The following PTPRD variants were observed in gnomAD, a reference collection of about 807,000 sequenced individuals.
PTPRD encodes the protein protein tyrosine phosphatase receptor type D, also known as receptor-type tyrosine-protein phosphatase delta.
In PTPRD, 34 loss-of-function variants were observed where a neutral mutation model predicts 214.5. The observed-to-expected ratio is 0.16, with a 90% CI of 0.12 to 0.21. The LOEUF is 0.21. Ranked by LOEUF, PTPRD falls within the 10% of genes least tolerant of loss-of-function variation. The probability of loss-of-function intolerance (pLI) is 1.00; values close to 1 mark genes in which losing one functional copy is unlikely to be tolerated. For synonymous variants in PTPRD, 1,128 were observed against 845.7 expected (o/e 1.33, Z -5.79); for missense variants, 2,545 against 2,398.7 (o/e 1.06, Z -1.27).
chr9:8,905,860 A>C (rs554710490), intron 11 of PTPRD, among the ~76,000 whole-genome samples: 5 of 152,314 alleles, frequency 3.3e-5, no homozygotes, highest in African/African-American at 1.2e-4. Context: ...TTTATTCACA[A>C]TGATCCTAAG....
At chr9:10,268,874 G>A (rs1407228612) in intron 3 of PTPRD, among the ~76,000 whole-genome samples, 2 of 152,164 alleles carry the variant, frequency 1.3e-5, no homozygotes, top group African/African-American at 4.8e-5. Context: ...CCCATCTAGG[G>A]CAGGGATTTT....
At chr9:8,600,938 T>C (rs904291998) in intron 14 of PTPRD, among the ~76,000 whole-genome samples, 2 of 151,808 alleles carry the variant, frequency 1.3e-5, no homozygotes, top group Non-Finnish European at 1.5e-5. Context: ...TCAGCCATAG[T>C]GGGGTAAAGC....
At chr9:8,321,876 G>T (rs900282910) in intron 44 of PTPRD, among the ~76,000 whole-genome samples, 1 of 151,866 alleles carries the variant, frequency 6.6e-6, no homozygotes, top group Non-Finnish European at 1.5e-5. Context: ...CAAATTGAAC[G>T]TCTGTGTCAA....
intron 7 of PTPRD, among the ~76,000 whole-genome samples, chr9:9,679,624 T>C (rs1052634521): frequency 1.3e-5 from 2 of 151,880 alleles, no homozygotes; most frequent in Non-Finnish European, 2.9e-5. Context: ...TTTTATGAAG[T>C]AGTCATTAAA....
chr9:9,117,458 G>A (rs995918520), intron 10 of PTPRD, among the ~76,000 whole-genome samples: 2 of 152,072 alleles, frequency 1.3e-5, no homozygotes, highest in African/African-American at 2.4e-5. Flanking sequence ...TACCCCACAA[G>A]ACACTATATA....
chr9:9,064,897 T>A (rs1056102896), intron 10 of PTPRD, among the ~76,000 whole-genome samples: 6 of 152,104 alleles, frequency 3.9e-5, no homozygotes, highest in Admixed American at 6.5e-5. Flanking sequence ...TACAATACAA[T>A]GTTATCCAAT....
At chr9:10,305,622 C>G (rs7870032) in intron 3 of PTPRD, among the ~76,000 whole-genome samples, 80,727 of 151,942 alleles carry the variant, frequency 0.53, 25,062 homozygotes, top group African/African-American at 0.85. Context: ...GATATGAACA[C>G]ACACTTCTGA....
chr9:10,534,369 C>A (rs2057233900), intron 2 of PTPRD, among the ~76,000 whole-genome samples: 1 of 151,874 alleles, frequency 6.6e-6, no homozygotes, highest in Non-Finnish European at 1.5e-5. Context: ...CCATTATTAA[C>A]TTTCATGATA....
intron 2 of PTPRD, among the ~76,000 whole-genome samples, chr9:10,397,353 GTAAC>G (rs1334098360): frequency 6.6e-5 from 10 of 151,998 alleles, no homozygotes; most frequent in African/African-American, 1.9e-4. Context: ...GTCCCAGCAA[GTAAC>G]TAGGTCATGA....
chr9:9,339,761 T>G (rs2046047292), intron 9 of PTPRD, among the ~76,000 whole-genome samples: 1 of 152,150 alleles, frequency 6.6e-6, no homozygotes, highest in African/African-American at 2.4e-5. Flanking sequence ...CTTATTACCC[T>G]AAATGATTGC....
chr9:8,521,291 T>A lies in PTPRD; in HGVS notation c.947A>T (p.Gln316Leu). 1.2e-6 allele frequency: 2 copies of A among 1,613,266 alleles called. No individual in the cohort carries two copies. The highest frequency in any genetic ancestry group is 1.7e-6 in the Non-Finnish European group (2 of 1,179,436). ...ATTGAGCATACCTTTGACAGTGATC[T>A]GTGCTATTGCTTCAATGACACCCAG... ...STLGVIEAIA[Q>L]ITVKALPKPP... Residue 316 changes from glutamine to leucine, a missense_variant, in exon 20 of 46, where the codon CAG becomes CTG. Physicochemically the swap from Gln to Leu is moderately radical, Grantham distance 113. Transcript: ENST00000381196.
chr9:9,159,861 G>A (rs936943287), intron 10 of PTPRD, among the ~76,000 whole-genome samples: 2 of 152,174 alleles, frequency 1.3e-5, no homozygotes, highest in East Asian at 1.9e-4. Context: ...CAGACACATC[G>A]ACCAACAAAA....
intron 4 of PTPRD, among the ~76,000 whole-genome samples, chr9:9,999,256 G>T (rs546366518): frequency 6.6e-6 from 1 of 152,278 alleles, no homozygotes; most frequent in Admixed American, 6.5e-5. Context: ...TCAAGTCAAA[G>T]CCTAAAAAGC....
intron 5 of PTPRD, among the ~76,000 whole-genome samples, chr9:9,787,926 C>A (rs1201138756): frequency 6.6e-6 from 1 of 151,658 alleles, no homozygotes; most frequent in Non-Finnish European, 1.5e-5. Flanking sequence ...GGACTACAGG[C>A]GCCTGCCACC....
At chr9:9,864,407 G>A (rs1047780495) in intron 5 of PTPRD, among the ~76,000 whole-genome samples, 2 of 152,110 alleles carry the variant, frequency 1.3e-5, no homozygotes, top group African/African-American at 4.8e-5. Flanking sequence ...TAGAACTGAA[G>A]GAAATACATG....
At chr9:8,526,525 A>G (rs1163306680) in intron 17 of PTPRD, 102 bp downstream of exon 17, 21 of 1,019,804 alleles carry the variant, frequency 2.1e-5, no homozygotes. Flanking sequence ...AAGTTGATGG[A>G]CATTATTGGA....
chr9:8,612,559 T>C (rs1418164957), intron 14 of PTPRD, among the ~76,000 whole-genome samples: 3 of 152,172 alleles, frequency 2.0e-5, no homozygotes, highest in Non-Finnish European at 4.4e-5. Context: ...AGTTATTACA[T>C]GGGAATGCAT....
chr9:10,509,557 T>TTTTATATATA (rs1555449948), intron 2 of PTPRD, among the ~76,000 whole-genome samples: 2 of 106,690 alleles, frequency 1.9e-5, no homozygotes, highest in African/African-American at 8.0e-5. Flanking sequence ...TTAATAAATA[T>TTTTATATATA]TATATATATA....
At chr9:8,755,381 T>C (rs1048799930) in intron 11 of PTPRD, among the ~76,000 whole-genome samples, 7 of 151,808 alleles carry the variant, frequency 4.6e-5, no homozygotes, top group Admixed American at 1.3e-4. Context: ...AATACAAAAT[T>C]AGCCGAGCAT....
Sources: gnomAD v4.1 joint callset for allele counts (sites outside exome capture counted in the v4.1 genomes callset) on GRCh38, gnomAD v4.1.1 for gene constraint, MANE v1.5 for transcripts, NCBI Gene and HGNC (gene_info 2026-07-23, HGNC 2026-07-21) for gene names.